The following RBMS3 variants were observed in gnomAD, a reference collection of about 807,000 sequenced individuals.
RBMS3 encodes RNA-binding motif, single-stranded-interacting protein 3.
RBMS3 carries 27 observed loss-of-function variants against 66.8 expected under a neutral mutation model. The observed-to-expected ratio is 0.40, with a 90% CI of 0.30 to 0.56. The LOEUF is 0.56. Among genes scored for constraint, RBMS3 ranks in the 20% least tolerant of loss-of-function variants. The pLI is 0.40. For synonymous variants in RBMS3, 188 were observed against 183.0 expected, an observed-to-expected ratio of 1.03 and a Z score of -0.22; for missense variants, 513 against 549.5, an observed-to-expected ratio of 0.93 and a Z score of 0.66.
At chr3:29,291,745 G>A (rs572133373) in intron 1 of RBMS3, among the ~76,000 whole-genome samples, 9 of 151,664 alleles carry the variant, frequency 5.9e-5, no homozygotes, top group Admixed American at 1.3e-4. Context: ...ATCTCTTGGT[G>A]TCTAGAAGTC....
At chr3:29,982,914 C>T (rs769900432) in intron 12 of RBMS3, among the ~76,000 whole-genome samples, 9 of 152,100 alleles carry the variant, frequency 5.9e-5, no homozygotes, top group Non-Finnish European at 1.3e-4. Context: ...CTGTAGATGT[C>T]TATTAGGTCT....
At chr3:29,337,311 A>G (rs1000571291) in intron 1 of RBMS3, among the ~76,000 whole-genome samples, 2 of 152,074 alleles carry the variant, frequency 1.3e-5, no homozygotes, top group Non-Finnish European at 2.9e-5. Flanking sequence ...AGGTACTAAA[A>G]TAGTACCTAT....
At chr3:29,565,797 T>C (rs772651247) in intron 3 of RBMS3, among the ~76,000 whole-genome samples, 2 of 152,230 alleles carry the variant, frequency 1.3e-5, no homozygotes, top group African/African-American at 4.8e-5. Context: ...TTTAAACTTT[T>C]ATGTCCAACA....
intron 4 of RBMS3, among the ~76,000 whole-genome samples, chr3:29,625,703 A>C (rs111897395): frequency 4.1e-4 from 56 of 138,162 alleles, no homozygotes; most frequent in Non-Finnish European, 6.7e-4. Flanking sequence ...CATTAAAGTA[A>C]ATAAATAAAT....
intron 1 of RBMS3, among the ~76,000 whole-genome samples, chr3:29,306,335 T>G (rs2034013029): frequency 6.6e-6 from 1 of 151,950 alleles, no homozygotes; most frequent in Non-Finnish European, 1.5e-5. Context: ...CATGTTATCT[T>G]TAGTATTTCA....
chr3:29,890,871 AT>A (rs201568878), intron 8 of RBMS3, among the ~76,000 whole-genome samples: 6 of 150,592 alleles, frequency 4.0e-5, no homozygotes, highest in South Asian at 2.1e-4. Context: ...GTTTTTATTT[AT>A]TTTTTTTTCA....
intron 6 of RBMS3, among the ~76,000 whole-genome samples, chr3:29,841,974 T>C (rs370429027): frequency 6.6e-6 from 1 of 152,080 alleles, no homozygotes; most frequent in East Asian, 1.9e-4. Flanking sequence ...ATCCAGCCAC[T>C]TAGTGTCTTT....
chr3:29,788,168 T>C (rs1185633445), intron 6 of RBMS3, among the ~76,000 whole-genome samples: 3 of 150,730 alleles, frequency 2.0e-5, no homozygotes, highest in African/African-American at 7.3e-5. Flanking sequence ...AAATCTTGTC[T>C]TTTTTTTTCA....
chr3:29,757,063 T>A lies in RBMS3; in HGVS notation c.558-5847T>A, dbSNP rs180821318. Among the ~76,000 whole-genome samples the A allele has an allele frequency of 2.1e-4, 32 of 152,238 alleles. No homozygotes were observed. In the East Asian group the frequency reaches 5.6e-3, roughly 27 times the overall value. ...CTGGCCCCTCTCCAGTTCTTGGAAGTCAGAGAGGGTGGGGATGAAAGTTCC... is the reference window on the plus strand; with the variant it reads ...CTGGCCCCTCTCCAGTTCTTGGAAGACAGAGAGGGTGGGGATGAAAGTTCC... On this transcript the variant is annotated intron_variant, in intron 5 of 14. Transcript: ENST00000383767.
At chr3:29,453,525 CA>C (rs2042079907) in intron 2 of RBMS3, among the ~76,000 whole-genome samples, 1 of 152,196 alleles carries the variant, frequency 6.6e-6, no homozygotes, top group East Asian at 1.9e-4. Flanking sequence ...TCCCCCAACC[CA>C]GTTAGTAACC....
chr3:30,004,033 C>A lies in RBMS3; in HGVS notation c.*171C>A. The A allele has an allele frequency of 2.4e-6, 1 of 424,764 alleles. No individual in the cohort carries two copies. The highest frequency in any genetic ancestry group is 4.0e-6 in the Non-Finnish European group (1 of 249,728). 26.3% of individuals were successfully genotyped at this position (424,764 alleles called of 1,614,324 possible). On this transcript the variant is annotated 3_prime_UTR_variant, in exon 15 of 15. Coordinates refer to ENST00000383767, the MANE Select transcript of RBMS3 (RefSeq NM_001003793.3). ...CCAATGAAAGCAAAGTTTTTATGTG[C>A]TGTGCAAATGGTCTTCATGTGGTCT...
At chr3:29,451,579 G>T (rs2371614) in intron 2 of RBMS3, among the ~76,000 whole-genome samples, 33,823 of 151,288 alleles carry the variant, frequency 0.22, 4,965 homozygotes, top group East Asian at 0.43. Flanking sequence ...TGTGGTTTTT[G>T]TTTTTTTCAG....
At chr3:29,740,884 A>G (rs1449126834) in intron 5 of RBMS3, among the ~76,000 whole-genome samples, 3 of 152,036 alleles carry the variant, frequency 2.0e-5, no homozygotes, top group Non-Finnish European at 4.4e-5. Context: ...TACTGAAAAT[A>G]CAAAAATTAG....
chr3:29,533,992 T>C (rs2045460278), intron 3 of RBMS3, among the ~76,000 whole-genome samples: 1 of 152,230 alleles, frequency 6.6e-6, no homozygotes, highest in Admixed American at 6.5e-5. Flanking sequence ...CATGTCCATT[T>C]TGTTCATGGA....
At chr3:29,764,654 C>T (rs1244956737) in intron 6 of RBMS3, among the ~76,000 whole-genome samples, 5 of 151,942 alleles carry the variant, frequency 3.3e-5, no homozygotes, top group Admixed American at 1.3e-4. Flanking sequence ...GTCAAAAAGA[C>T]GTATTGAAAG....
intron 2 of RBMS3, among the ~76,000 whole-genome samples, chr3:29,442,768 A>G (rs2041675004): frequency 6.6e-6 from 1 of 152,050 alleles, no homozygotes; most frequent in Non-Finnish European, 1.5e-5. Context: ...CCTTATTTTA[A>G]TTAAGCTCTC....
chr3:29,350,393 CAG>C (rs1264534756), intron 1 of RBMS3, among the ~76,000 whole-genome samples: 4 of 152,034 alleles, frequency 2.6e-5, no homozygotes, highest in Non-Finnish European at 5.9e-5. Flanking sequence ...TTTGTCTAGA[CAG>C]GGATTGATGT....
At chr3:29,749,722 C>T (rs886987012) in intron 5 of RBMS3, among the ~76,000 whole-genome samples, 6 of 152,108 alleles carry the variant, frequency 3.9e-5, no homozygotes, top group African/African-American at 1.2e-4. Context: ...ATGTATCATG[C>T]CAGTCTTTTC....
At chr3:29,954,312 A>G (rs1695881462) in intron 12 of RBMS3, among the ~76,000 whole-genome samples, 1 of 151,806 alleles carries the variant, frequency 6.6e-6, no homozygotes, top group Admixed American at 6.6e-5. Context: ...GATATCCCCT[A>G]TCCACTCTTA....
Sources: gnomAD v4.1 joint callset for allele counts (sites outside exome capture counted in the v4.1 genomes callset) on GRCh38, gnomAD v4.1.1 for gene constraint, MANE v1.5 for transcripts, NCBI Gene and HGNC (gene_info 2026-07-23, HGNC 2026-07-21) for gene names.